The following USP35 variants were observed in gnomAD, a reference collection of about 807,000 sequenced individuals.
The protein encoded by USP35 is ubiquitin specific peptidase 35, also known as ubiquitin carboxyl-terminal hydrolase 35.
Under a neutral mutation model 83.8 loss-of-function variants are expected in USP35, and 69 were observed. The observed-to-expected ratio is 0.82, with a 90% CI of 0.68 to 1.01. The LOEUF (loss-of-function observed/expected upper bound fraction) is 1.01, where lower values mean the gene tolerates loss of function less well. Among genes scored for constraint, USP35 ranks in the 50% least tolerant of loss-of-function variants. The pLI, the probability that USP35 is intolerant of heterozygous loss-of-function variation, is 0.00. For missense variants in USP35, 1,503 were observed against 1,362.5 expected, an observed-to-expected ratio of 1.10 and a Z score of -1.62; for synonymous variants, 714 against 589.5, an observed-to-expected ratio of 1.21 and a Z score of -3.06.
rs1863135439 is a variant in USP35 at position 78,196,123 on chromosome 11, G to A, written c.-10-113G>A. On this transcript the variant is annotated intron_variant, in intron 1 of 10. Transcript: ENST00000529308. This position sits in a 1 kb window ranked among gnomAD's most constrained non-coding sequence, Gnocchi z 4.8. ...GCCCCATTTCACAGATGAGAAAACTGAGGCCCAGAAAGTTTGAGTTGCTTG... is the reference window on the plus strand; with the variant it reads ...GCCCCATTTCACAGATGAGAAAACTAAGGCCCAGAAAGTTTGAGTTGCTTG... 3.5e-6 allele frequency: 5 copies of A among 1,424,542 alleles called. No homozygotes were observed. Among genetic ancestry groups the A allele is most frequent in the Non-Finnish European group, 4.6e-6 (5 of 1,095,028 alleles). The allele number at this position is 1,424,542 out of a possible 1,614,324, so 88.2% of individuals were successfully genotyped here. A position where few individuals can be genotyped will look rare whatever the true frequency, so the allele number is the denominator to read the frequency against.
chr11:78,210,480 C>T lies in USP35; in HGVS notation c.2625C>T (p.Ala875=), dbSNP rs762113256. The change falls in exon 10 of 11, where the codon GCC becomes GCT. Residue 875 remains alanine (A), a synonymous_variant. Coordinates refer to ENST00000529308, the MANE Select transcript of USP35 (RefSeq NM_020798.4). ...CCCGTGAGGGCGCTGCCCGCCCTGC[C>T]GCTTCTCTGGGAACTGCCGATAGGC... is the stretch of plus-strand genomic sequence containing the variant. ...CYAREGAARP[A]ASLGTADRPE... 15 of 1,614,076 alleles carry T rather than the reference C, an allele frequency of 9.3e-6. No homozygotes were observed. The highest frequency in any genetic ancestry group is 1.3e-5 in the Non-Finnish European group (15 of 1,179,998).
intron 10 of USP35, among the ~76,000 whole-genome samples, chr11:78,211,287 T>A (rs915646245): frequency 6.6e-6 from 1 of 152,198 alleles, no homozygotes; most frequent in Non-Finnish European, 1.5e-5. Flanking sequence ...ATGATCTCGT[T>A]CCTTTTTATG....
At chr11:78,210,951 A>T (rs573780886) in intron 10 of USP35, among the ~76,000 whole-genome samples, 1 of 152,304 alleles carries the variant, frequency 6.6e-6, no homozygotes, top group Non-Finnish European at 1.5e-5. Context: ...GACGCAGTTT[A>T]TTTTTTAAGT....
At chr11:78,216,175 G>GACTT (rs1864136423), downstream of USP35, 1 of 152,626 alleles carries the variant, frequency 6.6e-6, no homozygotes, top group Non-Finnish European at 1.5e-5. Context: ...GCAGATCAAG[G>GACTT]ACTTAAGGAG....
chr11:78,206,910 C>T (rs1367284290), intron 7 of USP35, among the ~76,000 whole-genome samples: 2 of 151,562 alleles, frequency 1.3e-5, no homozygotes, highest in African/African-American at 4.8e-5. Flanking sequence ...CAGACCCTTC[C>T]CACTAGGAGC....
At chr11:78,215,775 C>CG (rs1555091166), downstream of USP35, 2 of 152,528 alleles carry the variant, frequency 1.3e-5, no homozygotes, top group East Asian at 1.9e-4. Context: ...GACGACCCCC[C>CG]ACGGAAGGGC....
chr11:78,217,580 A>C (rs528957665), downstream of USP35: 15 of 152,352 alleles, frequency 9.8e-5, no homozygotes, highest in South Asian at 4.1e-4. Context: ...CCAGGGTAGA[A>C]TGAAACGTCT....
At chr11:78,220,458 GAA>G in the USP35 span, 1 of 1,551,136 alleles carries the variant, frequency 6.4e-7, no homozygotes, top group Non-Finnish European at 8.7e-7. Flanking sequence ...TCACGAGGAG[GAA>G]AAAACTGTGA....
the USP35 span, chr11:78,226,900 T>G: frequency 1.9e-6 from 3 of 1,613,974 alleles, no homozygotes; most frequent in Middle Eastern, 1.6e-4. Context: ...AATTCTGTAT[T>G]GTGCCGGCTC....
At chr11:78,213,159 A>T (rs1164350974) in intron 10 of USP35, among the ~76,000 whole-genome samples, 3 of 152,240 alleles carry the variant, frequency 2.0e-5, no homozygotes, top group Non-Finnish European at 4.4e-5. Context: ...TACCAGCAGC[A>T]GCCCAGGGAG....
rs1320553288 is a variant in USP35 at position 78,200,217 on chromosome 11, C to A, written c.1021C>A (p.His341Asn). 6.2e-7 allele frequency: 1 copy of A among 1,614,188 alleles called. No homozygotes were observed. The highest frequency in any genetic ancestry group is 1.7e-5 in the Admixed American group (1 of 60,030). ...CATGCTCCTGACCTTCCAGCACTCC[C>A]ACGAAGCCTTCCACCTGGTAAGGTC... The part of the protein sequence containing the change: ...KYMLLTFQHS[H>N]EAFHLLLPHI... The change falls in exon 5 of 11, where the codon CAC becomes AAC. Residue 341 changes from histidine to asparagine, a missense_variant. His to Asn is a moderately conservative substitution (Grantham distance 68, BLOSUM62 1). Transcript: ENST00000529308.
At chr11:78,224,333 G>A in the USP35 span, among the ~76,000 whole-genome samples, 1 of 152,254 alleles carries the variant, frequency 6.6e-6, no homozygotes, top group Admixed American at 6.5e-5. Context: ...CTCACCACTG[G>A]CAGGTCAGCA....
the USP35 span, chr11:78,226,878 G>A: frequency 2.5e-6 from 4 of 1,614,100 alleles, no homozygotes; most frequent in East Asian, 6.7e-5. Context: ...GAGGTCGTAG[G>A]TACTGTCTCT....
At chr11:78,201,964 G>A (rs538558739) in intron 6 of USP35, among the ~76,000 whole-genome samples, 121 of 152,270 alleles carry the variant, frequency 7.9e-4, no homozygotes, top group African/African-American at 2.9e-3. Context: ...CCTGAAAAGT[G>A]TCCTGCTACA....
chr11:78,197,902 T>C (rs1333263559), intron 2 of USP35, 34 bp from the exon 3 acceptor site: 1 of 1,606,262 alleles, frequency 6.2e-7, no homozygotes, highest in African/African-American at 1.3e-5. Flanking sequence ...GGGGCCTGCC[T>C]CCCTGCTAAG....
intron 6 of USP35, among the ~76,000 whole-genome samples, chr11:78,205,409 A>G (rs1863499126): frequency 6.6e-6 from 1 of 152,226 alleles, no homozygotes; most frequent in African/African-American, 2.4e-5. Flanking sequence ...GAGCCTCGCC[A>G]CCGCCAGACA....
intron 1 of USP35, among the ~76,000 whole-genome samples, chr11:78,194,244 A>T (rs1371758563): frequency 1.1e-4 from 16 of 150,748 alleles, no homozygotes; most frequent in Non-Finnish European, 1.3e-4. Flanking sequence ...GGTGAGAGAG[A>T]CAGATATTTA....
the USP35 span, chr11:78,227,149 C>G: frequency 1.3e-6 from 1 of 786,608 alleles, no homozygotes; most frequent in Non-Finnish European, 2.1e-6. Context: ...TTGGTTTAGG[C>G]ATCTGTAAAA....
chr11:78,214,712 G>A lies in USP35; in HGVS notation c.*899G>A, dbSNP rs1864025003. 1 of 151,900 alleles carries A rather than the reference G, an allele frequency of 6.6e-6. No homozygotes were observed. The highest frequency in any genetic ancestry group is 2.4e-5 in the African/African-American group (1 of 41,330). 9.4% of individuals were successfully genotyped at this position (151,900 alleles called of 1,614,324 possible). A position where few individuals can be genotyped will look rare whatever the true frequency, so the allele number is the denominator to read the frequency against. On this transcript the variant is annotated 3_prime_UTR_variant, in exon 11 of 11. Transcript: ENST00000529308. ...TAAATAAAAGTAAGCCTAAGCAAGA[G>A]ATTGTTCTTCCTTGGACTCAGGGGC...
Sources: allele counts gnomAD v4.1 joint callset (sites outside exome capture counted in the v4.1 genomes callset), GRCh38; gene constraint gnomAD v4.1.1; non-coding constraint Gnocchi (gnomAD v3.1); transcripts MANE v1.5; gene names NCBI Gene and HGNC (gene_info 2026-07-23, HGNC 2026-07-21).